The following GRM7 variants were observed in gnomAD, a reference collection of about 807,000 sequenced individuals.
The protein encoded by GRM7 is glutamate metabotropic receptor 7.
A neutral mutation model predicts 84.5 loss-of-function variants in GRM7; 35 were observed. The ratio of observed to expected loss-of-function variants is 0.41; its 90% CI spans 0.32 to 0.55. GRM7 has a LOEUF of 0.55. Ranked by LOEUF, GRM7 falls within the 20% of genes least tolerant of loss-of-function variation. The pLI, the probability that GRM7 is intolerant of heterozygous loss-of-function variation, is 0.19. For missense variants in GRM7, 1,003 were observed against 1,194.6 expected (o/e 0.84, Z 2.36); for synonymous variants, 487 against 455.1 (o/e 1.07, Z -0.89).
At chr3:7,265,985 C>T (rs929623289) in intron 2 of GRM7, among the ~76,000 whole-genome samples, 2 of 152,144 alleles carry the variant, frequency 1.3e-5, no homozygotes, top group African/African-American at 2.4e-5. Context: ...GTGGTCAGTG[C>T]TGGGCACAGG....
At chr3:6,921,592 A>G (rs547331714) in intron 1 of GRM7, among the ~76,000 whole-genome samples, 1 of 152,234 alleles carries the variant, frequency 6.6e-6, no homozygotes, top group Non-Finnish European at 1.5e-5. Context: ...GTACAAATCC[A>G]AAGCCATCTA....
rs926566316 is a variant in GRM7 at position 6,890,214 on chromosome 3, T to A, written c.519+28307T>A. Among the ~76,000 whole-genome samples the A allele has an allele frequency of 1.2e-4, 18 of 152,332 alleles. 1 individual carries two copies. Among genetic ancestry groups the A allele is most frequent in the Admixed American group, 9.8e-4 (15 of 15,296 alleles). Reference sequence around the variant, plus strand: ...GATTCATTAATTTTTTGAAGGGTTTTTTGTGTCTCTATTTCCTTCAGTTCT... The same window carrying A: ...GATTCATTAATTTTTTGAAGGGTTTATTGTGTCTCTATTTCCTTCAGTTCT... On this transcript the variant is annotated intron_variant, in intron 1 of 9. Transcript: ENST00000357716.
At chr3:6,867,263 T>G (rs1362744732) in intron 1 of GRM7, among the ~76,000 whole-genome samples, 2 of 152,180 alleles carry the variant, frequency 1.3e-5, no homozygotes, top group Non-Finnish European at 2.9e-5. Flanking sequence ...CAGTGAAAAA[T>G]CAGGCTGTAG....
chr3:7,521,416 T>A (rs1283196785), intron 7 of GRM7, among the ~76,000 whole-genome samples: 1 of 152,194 alleles, frequency 6.6e-6, no homozygotes, highest in Non-Finnish European at 1.5e-5. Context: ...CAAGCCCCTG[T>A]GAATGTGATT....
chr3:7,645,438 T>G (rs547011957), intron 8 of GRM7, among the ~76,000 whole-genome samples: 1 of 149,598 alleles, frequency 6.7e-6, no homozygotes, highest in South Asian at 2.1e-4. Flanking sequence ...TCCCAGCTAC[T>G]CGGGAGGCTA....
At chr3:6,866,418 G>A (rs988225930) in intron 1 of GRM7, among the ~76,000 whole-genome samples, 10 of 150,774 alleles carry the variant, frequency 6.6e-5, no homozygotes, top group African/African-American at 2.4e-4. Context: ...ACTTTGTCTT[G>A]TCAAAACTGT....
At chr3:7,274,939 A>G (rs1575109727) in intron 2 of GRM7, among the ~76,000 whole-genome samples, 1 of 151,786 alleles carries the variant, frequency 6.6e-6, no homozygotes, top group Non-Finnish European at 1.5e-5. Context: ...TATCATATCT[A>G]CTGTAGTTTT....
rs2125069103 is a variant in GRM7 at position 7,599,399 on chromosome 3, G to C, written c.2451+20042G>C. Among the ~76,000 whole-genome samples the C allele has an allele frequency of 1.3e-5, 2 of 152,224 alleles. 1 individual carries two copies. Among genetic ancestry groups the C allele is most frequent in the South Asian group, 4.1e-4 (2 of 4,820 alleles). On this transcript the variant is annotated intron_variant, in intron 8 of 9. Coordinates refer to ENST00000357716, the MANE Select transcript of GRM7 (RefSeq NM_000844.4). ...CCCAAAAAGGTTCAGAAGATCACTT[G>C]ATGATATATTGTGGAAATATTTTTA...
At position 7,741,031 on chromosome 3, in the gene GRM7, G is replaced by A. The variant is rs967294206; in HGVS notation, c.*625G>A. On this transcript the variant is annotated 3_prime_UTR_variant, in exon 10 of 10. Transcript: ENST00000357716. ...TTTTTTTTTTTAAGACAAAAAAGATGTTTAAAGACCAAAAACTGTGCTGAG... is the reference window on the plus strand; with the variant it reads ...TTTTTTTTTTTAAGACAAAAAAGATATTTAAAGACCAAAAACTGTGCTGAG... 6 of 151,996 alleles carry A rather than the reference G, an allele frequency of 3.9e-5. No individual in the cohort carries two copies. Among genetic ancestry groups the A allele is most frequent in the Non-Finnish European group, 8.8e-5 (6 of 67,908 alleles). The allele number at this position is 151,996 out of a possible 1,614,324, so 9.4% of individuals were successfully genotyped here.
chr3:7,058,030 G>A (rs943291757), intron 1 of GRM7, among the ~76,000 whole-genome samples: 1 of 151,830 alleles, frequency 6.6e-6, no homozygotes, highest in Non-Finnish European at 1.5e-5. Flanking sequence ...AAATTTCCTG[G>A]AGCTATTTTT....
intron 8 of GRM7, among the ~76,000 whole-genome samples, chr3:7,586,291 A>C (rs1408227766): frequency 6.6e-6 from 1 of 152,168 alleles, no homozygotes; most frequent in African/African-American, 2.4e-5. Flanking sequence ...AAAATTAAAC[A>C]TATACCTAGC....
intron 4 of GRM7, among the ~76,000 whole-genome samples, chr3:7,412,505 G>C (rs1288943250): frequency 6.6e-6 from 1 of 152,136 alleles, no homozygotes; most frequent in Non-Finnish European, 1.5e-5. Flanking sequence ...GGATAATAAT[G>C]TTTCTCTTGT....
At chr3:7,041,157 A>G (rs940370460) in intron 1 of GRM7, among the ~76,000 whole-genome samples, 2 of 152,146 alleles carry the variant, frequency 1.3e-5, no homozygotes, top group Non-Finnish European at 2.9e-5. Context: ...TCCACATAAA[A>G]TTAAGCACAA....
At chr3:6,974,592 G>A (rs1693914239) in intron 1 of GRM7, among the ~76,000 whole-genome samples, 2 of 152,114 alleles carry the variant, frequency 1.3e-5, no homozygotes, top group Admixed American at 6.5e-5. Context: ...AAAGAAAAAA[G>A]AGAAAGTAGT....
chr3:7,339,028 A>G (rs1470530079), intron 4 of GRM7, among the ~76,000 whole-genome samples: 1 of 152,104 alleles, frequency 6.6e-6, no homozygotes, highest in Non-Finnish European at 1.5e-5. Context: ...TCAGACTTTT[A>G]AAACCAGAAA....
chr3:7,408,285 C>T (rs765012541), intron 4 of GRM7, among the ~76,000 whole-genome samples: 4 of 152,304 alleles, frequency 2.6e-5, no homozygotes, highest in African/African-American at 4.8e-5. Flanking sequence ...ATGACAGGCA[C>T]TCTGGTGTTA....
In GRM7 at chr3:7,526,640, G is replaced by C. The variant is rs938417441; in HGVS notation, c.1516-51782G>C. ...AGAGTATTTCCTAGGTTTTCTTGCAGGATTTTTATAGTTGGAGGTTTTAAC... is the reference window on the plus strand; with the variant it reads ...AGAGTATTTCCTAGGTTTTCTTGCACGATTTTTATAGTTGGAGGTTTTAAC... On this transcript the variant is annotated intron_variant, in intron 7 of 9. Coordinates refer to ENST00000357716, the MANE Select transcript of GRM7 (RefSeq NM_000844.4). 3.3e-5 allele frequency among the ~76,000 whole-genome samples: 5 copies of C among 151,922 alleles called. No individual in the cohort carries two copies. The South Asian group carries it at 1.0e-3, about 32-fold the overall frequency.
At chr3:7,524,440 A>C (rs1351873428) in intron 7 of GRM7, among the ~76,000 whole-genome samples, 1 of 89,852 alleles carries the variant, frequency 1.1e-5, no homozygotes, top group Non-Finnish European at 2.1e-5. Flanking sequence ...CAACCCCATC[A>C]AAAAGTGGGC....
chr3:7,494,294 T>C (rs67012333), intron 7 of GRM7, among the ~76,000 whole-genome samples: 16,856 of 152,182 alleles, frequency 0.11, 1,452 homozygotes, highest in African/African-American at 0.24. Flanking sequence ...TGAAAAGTGT[T>C]GTCCTTCTAG....
Sources: gnomAD v4.1 joint callset for allele counts (sites outside exome capture counted in the v4.1 genomes callset) on GRCh38, gnomAD v4.1.1 for gene constraint, MANE v1.5 for transcripts, NCBI Gene and HGNC (gene_info 2026-07-23, HGNC 2026-07-21) for gene names.